The following CORIN variants were observed in gnomAD, a reference collection of about 807,000 sequenced individuals.
The protein encoded by CORIN is corin, serine peptidase, also known as atrial natriuretic peptide-converting enzyme.
A neutral mutation model predicts 125.3 loss-of-function variants in CORIN; 117 were observed. That is an observed-to-expected ratio of 0.93 (90% CI 0.80 to 1.09). The LOEUF (loss-of-function observed/expected upper bound fraction) is 1.09. Among genes scored for constraint, CORIN ranks in the 50% least tolerant of loss-of-function variants. The probability of loss-of-function intolerance (pLI) is 0.00; values close to 1 mark genes in which losing one functional copy is unlikely to be tolerated. For synonymous variants in CORIN, 450 were observed against 466.4 expected (o/e 0.96, Z 0.45); for missense variants, 1,253 against 1,306.7 (o/e 0.96, Z 0.63).
intron 7 of CORIN, chr4:47,680,526 G>T: frequency 3.3e-6 from 1 of 304,716 alleles, no homozygotes; most frequent in Non-Finnish European, 6.1e-6. Flanking sequence ...ATTGTTGTTG[G>T]CTTTTGTTTT....
chr4:47,629,171 G>A (rs937066260), intron 16 of CORIN, among the ~76,000 whole-genome samples: 1 of 152,012 alleles, frequency 6.6e-6, no homozygotes, highest in Non-Finnish European at 1.5e-5. Flanking sequence ...GAATATATAG[G>A]GTTTCCCCTT....
In CORIN at chr4:47,658,363, T is replaced by C. The variant is rs1469309446; in HGVS notation, c.1735+3348A>G. ...GTGGCTTTCCAGGGTTCAGTCCCCA[T>C]GGCTACTTTCACAGGTTGTTGAGTG... On this transcript the variant is annotated intron_variant, in intron 12 of 21. Transcript: ENST00000273857. Among the ~76,000 whole-genome samples, 4 of 152,220 alleles carry C rather than the reference T, an allele frequency of 2.6e-5. No homozygotes were observed. The East Asian group carries it at 7.7e-4, about 29-fold the overall frequency.
Position 47,821,714 on chromosome 4 carries a change from T to G in CORIN, c.64-14667A>C, listed in dbSNP as rs560709282. Among the ~76,000 whole-genome samples, 187 of 152,260 alleles carry G rather than the reference T, an allele frequency of 1.2e-3. 1 individual carries two copies. Among genetic ancestry groups the G allele is most frequent in the African/African-American group, 4.2e-3 (174 of 41,558 alleles). ...TTTTTTAAATGATTGTCTCATTTCT[T>G]CCCAGCGCTAAAGTTATCTGTACTT... On this transcript the variant is annotated intron_variant, in intron 1 of 21. Transcript: ENST00000273857.
At chr4:47,773,706 T>C (rs190408842) in intron 3 of CORIN, among the ~76,000 whole-genome samples, 6 of 152,164 alleles carry the variant, frequency 3.9e-5, no homozygotes, top group Admixed American at 2.6e-4. Flanking sequence ...ACTTCTAGTC[T>C]CCTTAAAATA....
intron 12 of CORIN, among the ~76,000 whole-genome samples, chr4:47,654,977 T>C (rs1723905444): frequency 6.6e-6 from 1 of 151,774 alleles, no homozygotes; most frequent in Non-Finnish European, 1.5e-5. Flanking sequence ...GGATATCAGC[T>C]TAGCCACAGT....
At chr4:47,635,057 G>C (rs559106899) in intron 16 of CORIN, among the ~76,000 whole-genome samples, 31 of 152,322 alleles carry the variant, frequency 2.0e-4, no homozygotes, top group African/African-American at 7.0e-4. Flanking sequence ...GTTGAAATTA[G>C]ATTTGACATG....
intron 12 of CORIN, 41 bp downstream of exon 12, chr4:47,661,670 T>C (rs747975248): frequency 2.0e-6 from 3 of 1,517,212 alleles, no homozygotes; most frequent in African/African-American, 1.4e-5. Context: ...AACATGTTCA[T>C]CCATGTTAGA....
At chr4:47,734,052 A>G (rs892090110) in intron 5 of CORIN, among the ~76,000 whole-genome samples, 1 of 152,088 alleles carries the variant, frequency 6.6e-6, no homozygotes, top group Non-Finnish European at 1.5e-5. Context: ...TCAAATCTCA[A>G]GATGGTCCCA....
intron 21 of CORIN, among the ~76,000 whole-genome samples, chr4:47,596,272 T>C (rs1442431294): frequency 6.6e-6 from 1 of 152,190 alleles, no homozygotes; most frequent in Non-Finnish European, 1.5e-5. Flanking sequence ...GACTTATGAC[T>C]GTGGAAAGTA....
At chr4:47,792,991 T>C (rs1248081615) in intron 2 of CORIN, among the ~76,000 whole-genome samples, 1 of 152,186 alleles carries the variant, frequency 6.6e-6, no homozygotes, top group African/African-American at 2.4e-5. Flanking sequence ...ACTAAAACAA[T>C]AGATAACAGA....
rs547052164 is a variant in CORIN, at chr4:47,711,153, A to G, written c.800-18070T>C. 4.6e-5 allele frequency among the ~76,000 whole-genome samples: 7 copies of G among 152,274 alleles called. No homozygotes were observed. In the South Asian group the frequency reaches 1.5e-3, roughly 32 times the overall value. On this transcript the variant is annotated intron_variant, in intron 5 of 21. Coordinates refer to ENST00000273857, the MANE Select transcript of CORIN (RefSeq NM_006587.4). The stretch of plus-strand genomic sequence containing the variant: ...AGTACCCCTCAAACCTGACCCCTTG[A>G]TCACTGTACCCATCTTCCACCCACA...
intron 14 of CORIN, among the ~76,000 whole-genome samples, chr4:47,644,056 C>G (rs570213456): frequency 6.6e-6 from 1 of 152,322 alleles, no homozygotes; most frequent in East Asian, 1.9e-4. Context: ...CTGGAGAAAA[C>G]AGCACCTTTT....
Position 47,626,459 on chromosome 4 carries a change from T to C in CORIN, c.2261A>G (p.His754Arg), listed in dbSNP as rs1722571870. Residue 754 changes from histidine to arginine, a missense_variant, in exon 17 of 22, where the codon CAC (histidine) becomes CGC (arginine). Transcript: ENST00000273857. The stretch of plus-strand genomic sequence containing the variant: ...CCCATTGAGGCTCTCCCAGTTGGAG[T>C]GTAATGTCAGCCACCGCGGCTCTTT... ...QEKEPRWLTL[H>R]SNWESLNGTT... is the part of the protein sequence containing the mutation. 6.2e-7 allele frequency: 1 copy of C among 1,613,900 alleles called. No homozygotes were observed. Among genetic ancestry groups the C allele is most frequent in the Admixed American group, 1.7e-5 (1 of 59,992 alleles).
intron 3 of CORIN, among the ~76,000 whole-genome samples, chr4:47,772,301 G>A (rs746453718): frequency 2.0e-5 from 3 of 152,146 alleles, no homozygotes; most frequent in Non-Finnish European, 2.9e-5. Context: ...TATAGGCCTC[G>A]GCCGATGTGT....
chr4:47,750,942 A>G (rs1023369304), intron 4 of CORIN, among the ~76,000 whole-genome samples: 1 of 152,248 alleles, frequency 6.6e-6, no homozygotes, highest in Non-Finnish European at 1.5e-5. Context: ...ATACTTGTCA[A>G]GGGATGAAAC....
At chr4:47,743,414 G>T (rs1305386795) in intron 5 of CORIN, among the ~76,000 whole-genome samples, 1 of 152,136 alleles carries the variant, frequency 6.6e-6, no homozygotes, top group Non-Finnish European at 1.5e-5. Flanking sequence ...AAAATATTTG[G>T]ACAGACATTT....
chr4:47,639,533 C>G (rs912961251), intron 16 of CORIN, among the ~76,000 whole-genome samples: 1 of 152,188 alleles, frequency 6.6e-6, no homozygotes, highest in African/African-American at 2.4e-5. Flanking sequence ...TTTTAAACTT[C>G]AAGTTTTTGA....
At chr4:47,722,191 A>G (rs919918922) in intron 5 of CORIN, among the ~76,000 whole-genome samples, 2 of 152,214 alleles carry the variant, frequency 1.3e-5, no homozygotes, top group Non-Finnish European at 2.9e-5. Context: ...GAACCAGGAT[A>G]ATAGCCAGGT....
intron 4 of CORIN, among the ~76,000 whole-genome samples, chr4:47,760,476 T>A (rs139734068): frequency 6.6e-6 from 1 of 152,334 alleles, no homozygotes; most frequent in Non-Finnish European, 1.5e-5. Flanking sequence ...AGGCATGGAT[T>A]TATTTATTGG....
Sources: gnomAD v4.1 joint callset for allele counts (sites outside exome capture counted in the v4.1 genomes callset) on GRCh38, gnomAD v4.1.1 for gene constraint, MANE v1.5 for transcripts, NCBI Gene and HGNC (gene_info 2026-07-23, HGNC 2026-07-21) for gene names.